Variants in ZNF385D observed in about 807,000 individuals in gnomAD.
ZNF385D encodes the protein zinc finger protein 659.
In ZNF385D, 15 loss-of-function variants were observed where a neutral mutation model predicts 35.8. That is an observed-to-expected ratio of 0.42 (90% CI 0.28 to 0.64). ZNF385D has a LOEUF of 0.64. Ranked by LOEUF, ZNF385D falls within the 30% of genes least tolerant of loss-of-function variation. The pLI is 0.23. For missense variants in ZNF385D, 474 were observed against 494.6 expected (o/e 0.96, Z 0.39); for synonymous variants, 212 against 186.8 (o/e 1.13, Z -1.10).
chr3:21,865,856 A>G (rs1054137732), intron 3 of ZNF385D, among the ~76,000 whole-genome samples: 4 of 152,162 alleles, frequency 2.6e-5, no homozygotes, highest in African/African-American at 9.6e-5. Flanking sequence ...TAAATGCAAT[A>G]TAAATATTGT....
At chr3:22,059,136 G>A (rs1003247454) in intron 3 of ZNF385D, among the ~76,000 whole-genome samples, 1 of 152,156 alleles carries the variant, frequency 6.6e-6, no homozygotes, top group Non-Finnish European at 1.5e-5. Flanking sequence ...AACCTATCAG[G>A]AGTTATTTCT....
At chr3:21,873,714 G>A (rs746515758) in intron 3 of ZNF385D, among the ~76,000 whole-genome samples, 3 of 152,010 alleles carry the variant, frequency 2.0e-5, no homozygotes, top group Non-Finnish European at 4.4e-5. Flanking sequence ...GATAACTTCT[G>A]TATGTAGAAT....
At chr3:22,083,851 A>C (rs887274820) in intron 3 of ZNF385D, among the ~76,000 whole-genome samples, 1 of 152,246 alleles carries the variant, frequency 6.6e-6, no homozygotes, top group African/African-American at 2.4e-5. Context: ...GGTTATCCAC[A>C]AAGGGAAGCC....
At chr3:22,061,979 T>C (rs1318210073) in intron 3 of ZNF385D, among the ~76,000 whole-genome samples, 2 of 152,230 alleles carry the variant, frequency 1.3e-5, no homozygotes, top group African/African-American at 4.8e-5. Context: ...CAATAAGTAT[T>C]CACTGAATAC....
At chr3:22,147,154 T>A (rs1472955811) in intron 3 of ZNF385D, among the ~76,000 whole-genome samples, 1 of 152,232 alleles carries the variant, frequency 6.6e-6, no homozygotes, top group Non-Finnish European at 1.5e-5. Flanking sequence ...ACTAGGGATA[T>A]AGCCATGGTG....
intron 1 of ZNF385D, among the ~76,000 whole-genome samples, chr3:21,719,707 C>T (rs1226196292): frequency 1.3e-5 from 2 of 152,168 alleles, no homozygotes; most frequent in African/African-American, 4.8e-5. Flanking sequence ...AGCGCCAGTC[C>T]GATCCTTAGA....
At chr3:22,175,365 T>C (rs1403910982) in intron 2 of ZNF385D, among the ~76,000 whole-genome samples, 1 of 152,000 alleles carries the variant, frequency 6.6e-6, no homozygotes, top group South Asian at 2.1e-4. Context: ...TGGGATTAGA[T>C]ACTGCTTACT....
chr3:21,965,422 C>A (rs138202046), intron 3 of ZNF385D, among the ~76,000 whole-genome samples: 1 of 151,876 alleles, frequency 6.6e-6, no homozygotes, highest in East Asian at 1.9e-4. Context: ...CGTGCCAGAG[C>A]GTACAGTAAG....
At chr3:21,877,256 A>T (rs578080616) in intron 3 of ZNF385D, among the ~76,000 whole-genome samples, 1 of 152,146 alleles carries the variant, frequency 6.6e-6, no homozygotes, top group South Asian at 2.1e-4. Flanking sequence ...TATGAAACTG[A>T]GCACCAACCC....
intron 3 of ZNF385D, among the ~76,000 whole-genome samples, chr3:21,818,020 C>T (rs1006687420): frequency 6.6e-6 from 1 of 152,110 alleles, no homozygotes; most frequent in Non-Finnish European, 1.5e-5. Context: ...GAGTTCATGT[C>T]CTTTGTAGGG....
In ZNF385D at chr3:21,539,701, ATATT is replaced by A. The variant is rs1460032520; in HGVS notation, c.276+24869_276+24872del. ...TATATTAAATGTTTTTAAAAATCAT[ATATT>A]TATTTTAAATATTTTATGAAACCAA... On this transcript the variant is annotated intron_variant, in intron 3 of 7. Transcript: ENST00000281523. This position sits in a 1 kb window ranked among gnomAD's most constrained non-coding sequence, Gnocchi z 4.0. 6.6e-6 allele frequency among the ~76,000 whole-genome samples: 1 copy of A among 152,084 alleles called. No individual in the cohort carries two copies. Among genetic ancestry groups the A allele is most frequent in the Non-Finnish European group, 1.5e-5 (1 of 67,992 alleles).
intron 3 of ZNF385D, among the ~76,000 whole-genome samples, chr3:21,788,666 A>T (rs1055080470): frequency 6.6e-6 from 1 of 152,214 alleles, no homozygotes; most frequent in African/African-American, 2.4e-5. Flanking sequence ...TTGCTTTTTT[A>T]AATTTTTGAT....
chr3:21,944,266 T>C (rs1428193890), intron 3 of ZNF385D, among the ~76,000 whole-genome samples: 4 of 152,274 alleles, frequency 2.6e-5, no homozygotes, highest in Middle Eastern at 3.4e-3. Context: ...CAGAAATGAA[T>C]AGAAGGTCGT....
intron 4 of ZNF385D, among the ~76,000 whole-genome samples, chr3:21,502,608 A>G (rs1706463475): frequency 6.6e-6 from 1 of 152,182 alleles, no homozygotes; most frequent in Admixed American, 6.5e-5. Context: ...TGTTACTTTT[A>G]TGTCATTCCT....
intron 3 of ZNF385D, among the ~76,000 whole-genome samples, chr3:21,935,353 C>T (rs1701209007): frequency 1.3e-5 from 2 of 152,088 alleles, no homozygotes; most frequent in Admixed American, 1.3e-4. Flanking sequence ...GTGGTACGTG[C>T]CTTATTAACT....
At chr3:21,475,693 T>C (rs1334937830) in intron 4 of ZNF385D, among the ~76,000 whole-genome samples, 1 of 152,128 alleles carries the variant, frequency 6.6e-6, no homozygotes, top group Non-Finnish European at 1.5e-5. Context: ...ATGTTTAAAA[T>C]GTCAGGCCCA....
intron 1 of ZNF385D, among the ~76,000 whole-genome samples, chr3:21,669,805 A>G (rs1327730189): frequency 1.3e-5 from 2 of 152,190 alleles, no homozygotes; most frequent in Non-Finnish European, 2.9e-5. Context: ...TTTTAAAGCT[A>G]CCTTCATTTT....
intron 1 of ZNF385D, among the ~76,000 whole-genome samples, chr3:21,688,806 GTAT>G (rs2067189419): frequency 1.3e-5 from 2 of 152,134 alleles, no homozygotes; most frequent in Admixed American, 1.3e-4. Context: ...CAACAGCTTT[GTAT>G]TATACCATAT....
Position 21,483,489 on chromosome 3 carries a change from A to G in ZNF385D, c.439+27372T>C, listed in dbSNP as rs571151779. Among the ~76,000 whole-genome samples the G allele has an allele frequency of 2.6e-5, 4 of 152,288 alleles. No homozygotes were observed. In the South Asian group the frequency reaches 8.3e-4, roughly 32 times the overall value. The stretch of plus-strand genomic sequence containing the variant: ...AAGATTGCTGGGTCATATGGCAAGT[A>G]TATGTTTACTTTTACAAGAAAATGC... On this transcript the variant is annotated intron_variant, in intron 4 of 7. Transcript: ENST00000281523.
Sources: allele counts gnomAD v4.1 joint callset (sites outside exome capture counted in the v4.1 genomes callset), GRCh38; gene constraint gnomAD v4.1.1; non-coding constraint Gnocchi (gnomAD v3.1); transcripts MANE v1.5; gene names NCBI Gene and HGNC (gene_info 2026-07-23, HGNC 2026-07-21).